ATXN10: variants seen among roughly 807,000 people sequenced by gnomAD.
The protein encoded by ATXN10 is ataxin-10.
In ATXN10, 28 loss-of-function variants were observed where a neutral mutation model predicts 52.9. The observed-to-expected ratio is 0.53, with a 90% CI of 0.39 to 0.73. The LOEUF is 0.73. Ranked by LOEUF, ATXN10 falls within the 30% of genes least tolerant of loss-of-function variation. The probability of loss-of-function intolerance (pLI) is 0.00; values close to 1 mark genes in which losing one functional copy is unlikely to be tolerated. For missense variants in ATXN10, 565 were observed against 577.0 expected (o/e 0.98, Z 0.21); for synonymous variants, 226 against 221.5 (o/e 1.02, Z -0.18).
chr22:45,802,517 G>T (rs1227393340), intron 9 of ATXN10, among the ~76,000 whole-genome samples: 1 of 152,204 alleles, frequency 6.6e-6, no homozygotes, highest in African/African-American at 2.4e-5. Context: ...TCTTAAGTAT[G>T]TAATTGTGTA....
At chr22:45,761,153 G>C (rs1926374814) in intron 9 of ATXN10, among the ~76,000 whole-genome samples, 2 of 152,096 alleles carry the variant, frequency 1.3e-5, no homozygotes, top group Admixed American at 6.5e-5. Flanking sequence ...ACGGAGTCTT[G>C]CTCTGTCGCC....
At position 45,738,858 on chromosome 22, in the gene ATXN10, A is replaced by C. The variant is rs1569043619; in HGVS notation, c.1003+19A>C. ...GTGATTGGTGAGTGAAATATCACAC[A>C]TTGTATTTTTAGCTAAGAAATCTTT... On this transcript the variant is annotated intron_variant, in intron 8 of 11. Transcript: ENST00000252934. 1 of 1,586,488 alleles carries C rather than the reference A, an allele frequency of 6.3e-7. No homozygotes were observed. The highest frequency in any genetic ancestry group is 1.7e-5 in the Admixed American group (1 of 59,976).
chr22:45,700,203 G>A (rs1001236344), intron 3 of ATXN10, 79 bp from the exon 4 acceptor site: 15 of 1,029,460 alleles, frequency 1.5e-5, no homozygotes, highest in Admixed American at 2.2e-5. Context: ...TTAATAACAT[G>A]GAGAATATTT....
At chr22:45,796,230 C>T (rs1449862175) in intron 9 of ATXN10, among the ~76,000 whole-genome samples, 1 of 152,232 alleles carries the variant, frequency 6.6e-6, no homozygotes, top group Non-Finnish European at 1.5e-5. Flanking sequence ...GCAGCGCCCT[C>T]AGGCTTGCTA....
intron 2 of ATXN10, among the ~76,000 whole-genome samples, chr22:45,692,526 T>C (rs1436700919): frequency 6.6e-6 from 1 of 152,220 alleles, no homozygotes; most frequent in Non-Finnish European, 1.5e-5. Flanking sequence ...TAGTAAAGAC[T>C]TTGTGGCCAA....
chr22:45,722,147 A>G (rs1436705814), intron 6 of ATXN10, among the ~76,000 whole-genome samples: 1 of 152,216 alleles, frequency 6.6e-6, no homozygotes, highest in Non-Finnish European at 1.5e-5. Flanking sequence ...ACCAATGTGT[A>G]ATAATTCTAG....
chr22:45,839,304 G>T (rs991896174), intron 10 of ATXN10, among the ~76,000 whole-genome samples: 2 of 152,204 alleles, frequency 1.3e-5, no homozygotes, highest in African/African-American at 4.8e-5. Flanking sequence ...TCTGCTTTGG[G>T]CTTCAGTGTT....
intron 10 of ATXN10, among the ~76,000 whole-genome samples, chr22:45,814,124 G>A (rs1928379247): frequency 6.6e-6 from 1 of 152,196 alleles, no homozygotes. Flanking sequence ...AAGAATCACA[G>A]ATGACTTTGG....
chr22:45,710,977 G>A lies in ATXN10; in HGVS notation c.648-7436G>A, dbSNP rs116597258. Reference sequence around the variant, plus strand: ...AAGACTTTGGTGAGAGACCCCCAAAGGGTCTGTATCGTTGTTCTCTAGAAC... The same window carrying A: ...AAGACTTTGGTGAGAGACCCCCAAAAGGTCTGTATCGTTGTTCTCTAGAAC... On this transcript the variant is annotated intron_variant, in intron 5 of 11. Coordinates refer to ENST00000252934, the MANE Select transcript of ATXN10 (RefSeq NM_013236.4). 3.4e-3 allele frequency among the ~76,000 whole-genome samples: 524 copies of A among 152,214 alleles called. 3 individuals carry two copies. Among genetic ancestry groups the A allele is most frequent in the African/African-American group, 0.011 (454 of 41,534 alleles).
At chr22:45,723,379 G>A (rs1351759005) in intron 6 of ATXN10, among the ~76,000 whole-genome samples, 1 of 151,824 alleles carries the variant, frequency 6.6e-6, no homozygotes, top group African/African-American at 2.4e-5. Context: ...TAGTGGTGTG[G>A]TTTTGGCTAC....
intron 10 of ATXN10, among the ~76,000 whole-genome samples, chr22:45,831,125 A>G (rs759285205): frequency 6.6e-6 from 1 of 152,196 alleles, no homozygotes; most frequent in Non-Finnish European, 1.5e-5. Context: ...GTGTCAGCTT[A>G]TTTATAAGAG....
At chr22:45,720,411 A>C (rs559023108) in intron 6 of ATXN10, among the ~76,000 whole-genome samples, 23 of 151,962 alleles carry the variant, frequency 1.5e-4, no homozygotes, top group Non-Finnish European at 3.2e-4. Flanking sequence ...ATCGTAGTGC[A>C]CTACAGCCCC....
At chr22:45,788,182 G>A (rs2080111669) in intron 9 of ATXN10, among the ~76,000 whole-genome samples, 1 of 151,962 alleles carries the variant, frequency 6.6e-6, no homozygotes, top group Non-Finnish European at 1.5e-5. Context: ...CCACACTAGG[G>A]GACATAACTG....
intron 10 of ATXN10, among the ~76,000 whole-genome samples, chr22:45,808,543 A>G (rs558702173): frequency 1.3e-5 from 2 of 152,214 alleles, no homozygotes; most frequent in African/African-American, 4.8e-5. Flanking sequence ...CCTTCAGGAA[A>G]CATTCATTCA....
chr22:45,740,727 T>TACACAC (rs1311708053), intron 9 of ATXN10, 189 bp downstream of exon 9: 6 of 379,662 alleles, frequency 1.6e-5, no homozygotes, highest in African/African-American at 2.8e-5. Flanking sequence ...CACATATATA[T>TACACAC]ACACACACAC....
In ATXN10 at chr22:45,757,435, C is replaced by T. The variant is rs1422840181; in HGVS notation, c.1173+16897C>T. Among the ~76,000 whole-genome samples, 1 of 152,150 alleles carries T rather than the reference C, an allele frequency of 6.6e-6. No individual in the cohort carries two copies. Among genetic ancestry groups the T allele is most frequent in the Non-Finnish European group, 1.5e-5 (1 of 68,020 alleles). On this transcript the variant is annotated intron_variant, in intron 9 of 11. Transcript: ENST00000252934. This position sits in a 1 kb window ranked among gnomAD's most constrained non-coding sequence, Gnocchi z 4.6. Reference sequence around the variant, plus strand: ...TGCCTGAGGCTCCGAGGTGGGAGCCCAGGCTGGGATTCAGGATTTCGCTGC... The same window carrying T: ...TGCCTGAGGCTCCGAGGTGGGAGCCTAGGCTGGGATTCAGGATTTCGCTGC...
rs551371726 is a variant in ATXN10 at position 45,672,094 on chromosome 22, C to G, written c.31C>G (p.Leu11Val). 13 of 1,539,138 alleles carry G rather than the reference C, an allele frequency of 8.4e-6. No individual in the cohort carries two copies. Among genetic ancestry groups the G allele is most frequent in the Non-Finnish European group, 1.1e-5 (13 of 1,145,520 alleles). The change falls in exon 1 of 12, where the codon CTG (leucine) becomes GTG (valine). Residue 11 changes from leucine (L) to valine (V), a missense_variant. Physicochemically the swap from Leu to Val is conservative, Grantham distance 32. Transcript: ENST00000252934. MAAPRPPPAR[L>V]SGVMVPAPIQ... ...GGCGCCCAGGCCGCCGCCTGCCAGG[C>G]TGTCGGGCGTCATGGTGCCGGCGCC...
chr22:45,672,047 C>T lies in ATXN10; in HGVS notation c.-17C>T, dbSNP rs1175211308. Reference sequence around the variant, plus strand: ...TTCCTCCTCCTCGTCAGGCTCGACCCAGCTGTGAGCGGCAAGATGGCGGCG... The same window carrying T: ...TTCCTCCTCCTCGTCAGGCTCGACCTAGCTGTGAGCGGCAAGATGGCGGCG... On this transcript the variant is annotated 5_prime_UTR_variant, in exon 1 of 12. Coordinates refer to ENST00000252934, the MANE Select transcript of ATXN10 (RefSeq NM_013236.4). The T allele has an allele frequency of 6.5e-7, 1 of 1,534,964 alleles. No individual in the cohort carries two copies. The highest frequency in any genetic ancestry group is 8.7e-7 in the Non-Finnish European group (1 of 1,144,580).
rs1011606965 is a variant in ATXN10 at position 45,820,339 on chromosome 22, G to A, written c.1237+13317G>A. 6.6e-6 allele frequency among the ~76,000 whole-genome samples: 1 copy of A among 152,192 alleles called. No individual in the cohort carries two copies. Among genetic ancestry groups the A allele is most frequent in the African/African-American group, 2.4e-5 (1 of 41,456 alleles). ...AGAAACAGGCCATTGTGATAATACAGGACAGAACGCTAAGGGGTGGTAGAA... is the reference window on the plus strand; with the variant it reads ...AGAAACAGGCCATTGTGATAATACAAGACAGAACGCTAAGGGGTGGTAGAA... On this transcript the variant is annotated intron_variant, in intron 10 of 11. Coordinates refer to ENST00000252934, the MANE Select transcript of ATXN10 (RefSeq NM_013236.4). The surrounding 1 kb of genome is among the most constrained non-coding windows in gnomAD (Gnocchi z 4.9).
Sources: allele counts gnomAD v4.1 joint callset (sites outside exome capture counted in the v4.1 genomes callset), GRCh38; gene constraint gnomAD v4.1.1; non-coding constraint Gnocchi (gnomAD v3.1); transcripts MANE v1.5; gene names NCBI Gene and HGNC (gene_info 2026-07-23, HGNC 2026-07-21).